Variants in CAMK4 observed in about 807,000 individuals in gnomAD.
CAMK4 encodes the protein calcium/calmodulin-dependent protein kinase type IV.
CAMK4 carries 22 observed loss-of-function variants against 44.9 expected under a neutral mutation model. That is an observed-to-expected ratio of 0.49 (90% CI 0.35 to 0.70). CAMK4 has a LOEUF of 0.70. Among genes scored for constraint, CAMK4 ranks in the 30% least tolerant of loss-of-function variants. CAMK4 has a pLI of 0.01. For missense variants in CAMK4, 498 were observed against 586.8 expected, an observed-to-expected ratio of 0.85 and a Z score of 1.56; for synonymous variants, 218 against 215.4, an observed-to-expected ratio of 1.01 and a Z score of -0.11.
At chr5:111,441,696 G>A (rs1174181909) in intron 5 of CAMK4, among the ~76,000 whole-genome samples, 1 of 152,022 alleles carries the variant, frequency 6.6e-6, no homozygotes, top group African/African-American at 2.4e-5. Flanking sequence ...TGAACACATG[G>A]TTTATTCTAG....
At position 111,486,125 on chromosome 5, in the gene CAMK4, T is replaced by C. The variant is rs1464197993; in HGVS notation, c.*1659T>C. 6.6e-6 allele frequency: 1 copy of C among 152,148 alleles called. No individual in the cohort carries two copies. Among genetic ancestry groups the C allele is most frequent in the Non-Finnish European group, 1.5e-5 (1 of 68,008 alleles). 9.4% of individuals were successfully genotyped at this position (152,148 alleles called of 1,614,324 possible). A position where few individuals can be genotyped will look rare whatever the true frequency, so the allele number is the denominator to read the frequency against. ...TCCAGTTTGTAGAGGCTGTTGGACCTCAGTAGACATTCTTCTTTTCAATCA... is the reference window on the plus strand; with the variant it reads ...TCCAGTTTGTAGAGGCTGTTGGACCCCAGTAGACATTCTTCTTTTCAATCA... On this transcript the variant is annotated 3_prime_UTR_variant, in exon 11 of 11. Transcript: ENST00000282356.
chr5:111,255,372 T>C (rs560588900), intron 1 of CAMK4, among the ~76,000 whole-genome samples: 1 of 152,322 alleles, frequency 6.6e-6, no homozygotes, highest in African/African-American at 2.4e-5. Context: ...TTTTCAGTGA[T>C]CTTTATGATA....
chr5:111,286,699 C>T (rs1000643686), intron 1 of CAMK4, among the ~76,000 whole-genome samples: 2 of 152,006 alleles, frequency 1.3e-5, no homozygotes, highest in South Asian at 4.1e-4. Context: ...TATTAAATCA[C>T]TAATATTATA....
intron 10 of CAMK4, among the ~76,000 whole-genome samples, chr5:111,483,471 G>A (rs1178076247): frequency 6.6e-6 from 1 of 152,192 alleles, no homozygotes; most frequent in Non-Finnish European, 1.5e-5. Context: ...GACTAGCTAT[G>A]TAAGTAGAGG....
chr5:111,236,568 C>T (rs1748736266), intron 1 of CAMK4, among the ~76,000 whole-genome samples: 1 of 152,206 alleles, frequency 6.6e-6, no homozygotes, highest in South Asian at 2.1e-4. Flanking sequence ...GCTCTACCTG[C>T]CTTGGCTGCA....
rs1470647842 is a variant in CAMK4, at chr5:111,491,305, C to T, written c.*6839C>T. On this transcript the variant is annotated 3_prime_UTR_variant, in exon 11 of 11. Coordinates refer to ENST00000282356, the MANE Select transcript of CAMK4 (RefSeq NM_001744.6). ...AGAGTTGAGTACTTTCAACAGAGACCATATGGACTGCAAAGCCTAAAATGT... is the reference window on the plus strand; with the variant it reads ...AGAGTTGAGTACTTTCAACAGAGACTATATGGACTGCAAAGCCTAAAATGT... The T allele has an allele frequency of 6.6e-6, 1 of 152,056 alleles. No homozygotes were observed. Among genetic ancestry groups the T allele is most frequent in the Non-Finnish European group, 1.5e-5 (1 of 68,034 alleles). 9.4% of individuals were successfully genotyped at this position (152,056 alleles called of 1,614,324 possible).
chr5:111,416,453 G>T (rs1392282257), intron 5 of CAMK4: 1 of 152,176 alleles, frequency 6.6e-6, no homozygotes, highest in Admixed American at 6.5e-5. Context: ...GAGAAAGGAT[G>T]TTAATTACAA....
At chr5:111,345,869 C>G (rs1749842812) in intron 2 of CAMK4, among the ~76,000 whole-genome samples, 1 of 151,910 alleles carries the variant, frequency 6.6e-6, no homozygotes, top group Non-Finnish European at 1.5e-5. Context: ...AGAAGACAGG[C>G]AGGAAGAGCA....
chr5:111,377,529 G>A (rs1258590600), intron 4 of CAMK4, among the ~76,000 whole-genome samples: 1 of 133,298 alleles, frequency 7.5e-6, no homozygotes, highest in Non-Finnish European at 1.6e-5. Flanking sequence ...TGGGGGTGGG[G>A]GTTGGAGCCT....
chr5:111,456,259 T>C (rs2112991831), intron 7 of CAMK4, among the ~76,000 whole-genome samples: 1 of 152,120 alleles, frequency 6.6e-6, no homozygotes, highest in Admixed American at 6.5e-5. Context: ...CCCAGCACTT[T>C]GGGAGGCCGA....
intron 7 of CAMK4, among the ~76,000 whole-genome samples, chr5:111,460,748 A>G (rs25921): frequency 0.84 from 127,366 of 152,140 alleles, 54,068 homozygotes; most frequent in African/African-American, 0.95. Context: ...CTGGAGACTC[A>G]GTCTGATTCA....
chr5:111,300,351 T>C (rs1747667604), intron 1 of CAMK4, among the ~76,000 whole-genome samples: 1 of 152,174 alleles, frequency 6.6e-6, no homozygotes, highest in African/African-American at 2.4e-5. Flanking sequence ...CTTTGCCTTG[T>C]GGGGGAGTAG....
chr5:111,398,525 G>A (rs543495842), intron 5 of CAMK4, among the ~76,000 whole-genome samples: 12 of 152,204 alleles, frequency 7.9e-5, no homozygotes, highest in African/African-American at 2.9e-4. Flanking sequence ...TGCATCCTAG[G>A]TGCGGTTTTG....
chr5:111,226,124 G>C (rs1432831367), intron 1 of CAMK4, among the ~76,000 whole-genome samples: 2 of 152,156 alleles, frequency 1.3e-5, no homozygotes, highest in Non-Finnish European at 2.9e-5. Flanking sequence ...TGATGCTGCT[G>C]CAGGGACTGT....
At chr5:111,303,702 C>A (rs1747831929) in intron 1 of CAMK4, among the ~76,000 whole-genome samples, 1 of 147,684 alleles carries the variant, frequency 6.8e-6, no homozygotes, top group Non-Finnish European at 1.5e-5. Context: ...CTTCCCCAAT[C>A]TAGCAAGGCA....
intron 4 of CAMK4, among the ~76,000 whole-genome samples, chr5:111,379,087 C>T (rs1751320386): frequency 6.6e-6 from 1 of 152,144 alleles, no homozygotes; most frequent in South Asian, 2.1e-4. Context: ...TGAGCTCTCT[C>T]TAAGGAGACC....
intron 5 of CAMK4, among the ~76,000 whole-genome samples, chr5:111,408,757 A>G (rs1424656714): frequency 1.3e-5 from 2 of 152,198 alleles, no homozygotes; most frequent in East Asian, 1.9e-4. Flanking sequence ...TCCTAGATAC[A>G]GTGGGGGTAT....
intron 1 of CAMK4, among the ~76,000 whole-genome samples, chr5:111,258,731 A>G (rs80227857): frequency 0.015 from 2,153 of 141,350 alleles, 50 homozygotes; most frequent in African/African-American, 0.056. Flanking sequence ...ACCTCTACAG[A>G]GTTATCAGCG....
intron 5 of CAMK4, among the ~76,000 whole-genome samples, chr5:111,423,697 T>C (rs1025328943): frequency 6.6e-6 from 1 of 152,194 alleles, no homozygotes; most frequent in African/African-American, 2.4e-5. Flanking sequence ...ACAACATTTA[T>C]TATACCTTCA....
Sources: gnomAD v4.1 joint callset for allele counts (sites outside exome capture counted in the v4.1 genomes callset) on GRCh38, gnomAD v4.1.1 for gene constraint, MANE v1.5 for transcripts, NCBI Gene and HGNC (gene_info 2026-07-23, HGNC 2026-07-21) for gene names.